The following WFDC10B variants were observed in gnomAD, a reference collection of about 807,000 sequenced individuals.
WFDC10B encodes the protein WAP four-disulfide core domain 10B.
Under a neutral mutation model 2.7 loss-of-function variants are expected in WFDC10B, and 1 was observed. The observed-to-expected ratio is 0.38, with a 90% CI of 0.13 to 1.79. WFDC10B has a LOEUF of 1.79. Ranked by LOEUF, WFDC10B falls within the 40% of genes most tolerant of loss-of-function variation. The pLI, the probability that WFDC10B is intolerant of heterozygous loss-of-function variation, is 0.33. For synonymous variants in WFDC10B, 26 were observed against 32.2 expected, an observed-to-expected ratio of 0.81 and a Z score of 0.65; for missense variants, 71 against 87.8, an observed-to-expected ratio of 0.81 and a Z score of 0.76.
chr20:45,702,283 C>G (rs992629492), intron 2 of WFDC10B: 1 of 1,425,790 alleles, frequency 7.0e-7, no homozygotes, highest in Admixed American at 2.0e-5. Context: ...GGCTGACAGT[C>G]TGTCACACCT....
At chr20:45,704,425 T>A in intron 2 of WFDC10B, 72 bp downstream of exon 2, 1 of 1,606,762 alleles carries the variant, frequency 6.2e-7, no homozygotes. Flanking sequence ...GCCCTTCTCT[T>A]ACTTGTTCTG....
At position 45,702,508 on chromosome 20, in the gene WFDC10B, G is replaced by A. The variant is rs1017145647; in HGVS notation, c.-65+1989C>T. On this transcript the variant is annotated intron_variant, in intron 2 of 3. Coordinates refer to ENST00000330523, the MANE Select transcript of WFDC10B (RefSeq NM_172006.2). Reference sequence around the variant, plus strand: ...TAAATGCTCAGTAATATTAAATGCTGTAAATGTGATCAGCCTCATCATCCA... The same window carrying A: ...TAAATGCTCAGTAATATTAAATGCTATAAATGTGATCAGCCTCATCATCCA... 3.3e-5 allele frequency among the ~76,000 whole-genome samples: 5 copies of A among 152,178 alleles called. No individual in the cohort carries two copies. The East Asian group carries it at 7.7e-4, about 23-fold the overall frequency.
At chr20:45,698,702 C>T (rs1008867079) in intron 2 of WFDC10B, among the ~76,000 whole-genome samples, 3 of 152,066 alleles carry the variant, frequency 2.0e-5, no homozygotes, top group African/African-American at 7.2e-5. Flanking sequence ...CACGGTGGCT[C>T]ATGCCTGTAA....
At chr20:45,704,727 C>A (rs540839245) in intron 1 of WFDC10B, 166 bp from the exon 2 acceptor site, 1 of 1,408,516 alleles carries the variant, frequency 7.1e-7, no homozygotes, top group Non-Finnish European at 9.6e-7. Context: ...TGCCAACATG[C>A]CCCTTCTCTT....
At chr20:45,685,039 C>G (rs1258194151) in intron 3 of WFDC10B, 79 bp from the exon 4 acceptor site, 5 of 1,578,058 alleles carry the variant, frequency 3.2e-6, no homozygotes, top group South Asian at 1.1e-5. Context: ...TCCTCCATGG[C>G]CCCAGAACCA....
In WFDC10B at chr20:45,704,539, T is replaced by C. The variant is rs779051076; in HGVS notation, c.-107A>G. On this transcript the variant is annotated 5_prime_UTR_variant, in exon 2 of 4. Coordinates refer to ENST00000330523, the MANE Select transcript of WFDC10B (RefSeq NM_172006.2). The stretch of plus-strand genomic sequence containing the variant: ...AGATTGCGAGAAAGGATTTCAGTGC[T>C]GTTCCTCCTTCTGTGGGATAGTCTG... 8.1e-6 allele frequency: 13 copies of C among 1,614,218 alleles called. No homozygotes were observed. Among genetic ancestry groups the C allele is most frequent in the Non-Finnish European group, 1.1e-5 (13 of 1,180,036 alleles).
At position 45,689,491 on chromosome 20, in the gene WFDC10B, T is replaced by C. The variant is rs1428849360; in HGVS notation, c.-64-3435A>G. Among the ~76,000 whole-genome samples, 7 of 152,270 alleles carry C rather than the reference T, an allele frequency of 4.6e-5. No individual in the cohort carries two copies. The East Asian group carries it at 5.8e-4, about 13-fold the overall frequency. Reference sequence around the variant, plus strand: ...GCCATGAGCATGGAATGTTCTTCCATTTGTTTGTATCCTCTTTTATTTCAT... The same window carrying C: ...GCCATGAGCATGGAATGTTCTTCCACTTGTTTGTATCCTCTTTTATTTCAT... On this transcript the variant is annotated intron_variant, in intron 2 of 3. Transcript: ENST00000330523.
intron 2 of WFDC10B, among the ~76,000 whole-genome samples, chr20:45,696,733 CAAAT>C (rs942243031): frequency 3.9e-5 from 6 of 152,130 alleles, no homozygotes; most frequent in Admixed American, 3.9e-4. Context: ...AGACCTATAA[CAAAT>C]AAAGAGATAG....
chr20:45,685,817 G>C (rs896378329), intron 3 of WFDC10B, 85 bp downstream of exon 3: 2 of 1,556,792 alleles, frequency 1.3e-6, no homozygotes, highest in Non-Finnish European at 1.7e-6. Context: ...AAGGTTGCAA[G>C]TCCTAGGTCC....
chr20:45,685,855 T>C, intron 3 of WFDC10B, 47 bp downstream of exon 3: 1 of 1,606,314 alleles, frequency 6.2e-7, no homozygotes, highest in Non-Finnish European at 8.5e-7. Context: ...GCTCCTCCAT[T>C]CCCCCTACCC....
intron 2 of WFDC10B, among the ~76,000 whole-genome samples, chr20:45,689,655 T>C (rs1983742666): frequency 6.6e-6 from 1 of 152,142 alleles, no homozygotes; most frequent in Admixed American, 6.5e-5. Flanking sequence ...CTGTTATTGG[T>C]GTATAAGAAT....
At chr20:45,693,548 C>T (rs1301162544) in intron 2 of WFDC10B, among the ~76,000 whole-genome samples, 2 of 152,194 alleles carry the variant, frequency 1.3e-5, no homozygotes, top group African/African-American at 4.8e-5. Flanking sequence ...GCCCCTCCCC[C>T]AGCCTTGCTG....
intron 2 of WFDC10B, among the ~76,000 whole-genome samples, chr20:45,697,296 G>A (rs1270714531): frequency 6.6e-6 from 1 of 151,340 alleles, no homozygotes; most frequent in Non-Finnish European, 1.5e-5. Flanking sequence ...AACCATGGAG[G>A]TAAAAGACTT....
chr20:45,698,931 GCA>G (rs1325517649), intron 2 of WFDC10B, among the ~76,000 whole-genome samples: 1 of 141,264 alleles, frequency 7.1e-6, no homozygotes, highest in Non-Finnish European at 1.5e-5. Flanking sequence ...TCACACCACT[GCA>G]CTCCAGCCTG....
chr20:45,700,085 AT>A (rs1306799853), intron 2 of WFDC10B, among the ~76,000 whole-genome samples: 4 of 152,356 alleles, frequency 2.6e-5, no homozygotes, highest in African/African-American at 9.6e-5. Context: ...ATTATTTATA[AT>A]AGCAAAATCT....
chr20:45,701,686 T>C (rs574190868), intron 2 of WFDC10B, among the ~76,000 whole-genome samples: 1 of 147,972 alleles, frequency 6.8e-6, no homozygotes, highest in Admixed American at 6.9e-5. Flanking sequence ...TGCTTGAACC[T>C]GGGAGGAAGA....
At chr20:45,696,538 C>G (rs767905211) in intron 2 of WFDC10B, among the ~76,000 whole-genome samples, 27 of 151,822 alleles carry the variant, frequency 1.8e-4, no homozygotes, top group Non-Finnish European at 2.2e-4. Context: ...AGAAAAGACA[C>G]AAATAACTAA....
chr20:45,696,520 AAGAAAAG>A (rs1469722456), intron 2 of WFDC10B, among the ~76,000 whole-genome samples: 3 of 152,144 alleles, frequency 2.0e-5, no homozygotes, highest in African/African-American at 7.2e-5. Flanking sequence ...ATTGACTAAG[AAGAAAAG>A]AGAAAAGACA....
intron 2 of WFDC10B, among the ~76,000 whole-genome samples, chr20:45,698,804 T>C (rs1984053853): frequency 6.6e-6 from 1 of 151,830 alleles, no homozygotes; most frequent in South Asian, 2.1e-4. Context: ...CTGTCTCTAC[T>C]AAAAATACAA....
Sources: gnomAD v4.1 joint callset for allele counts (sites outside exome capture counted in the v4.1 genomes callset) on GRCh38, gnomAD v4.1.1 for gene constraint, MANE v1.5 for transcripts, NCBI Gene and HGNC (gene_info 2026-07-23, HGNC 2026-07-21) for gene names.